The following ZNF385D variants were observed in gnomAD, a reference collection of about 807,000 sequenced individuals.
ZNF385D encodes the protein zinc finger protein 385D.
A neutral mutation model predicts 35.8 loss-of-function variants in ZNF385D; 15 were observed. The ratio of observed to expected loss-of-function variants is 0.42; its 90% CI spans 0.28 to 0.64. The LOEUF is 0.64. ZNF385D is among the 30% of genes least tolerant of loss of function. The pLI is 0.23. For synonymous variants in ZNF385D, 212 were observed against 186.8 expected (o/e 1.13, Z -1.10); for missense variants, 474 against 494.6 (o/e 0.96, Z 0.39).
chr3:21,847,297 G>C (rs1696072440), intron 3 of ZNF385D, among the ~76,000 whole-genome samples: 1 of 152,034 alleles, frequency 6.6e-6, no homozygotes. Flanking sequence ...ATTCAAAACA[G>C]TCGTTGCTGG....
In ZNF385D at chr3:21,779,035, G is replaced by C. The variant is rs78091166; in HGVS notation, c.326-114007C>G. Among the ~76,000 whole-genome samples the C allele has an allele frequency of 2.4e-4, 37 of 152,096 alleles. No individual in the cohort carries two copies. In the East Asian group the frequency reaches 6.8e-3, roughly 28 times the overall value. ...TATTCTTCCAAGAAACTCTCAGAAA[G>C]TGGTTATCTGGTGGCTGACATAAAG... On this transcript the variant is annotated intron_variant, in intron 3 of 5. Coordinates refer to the ZNF385D transcript ENST00000494108.
intron 3 of ZNF385D, among the ~76,000 whole-genome samples, chr3:21,962,538 T>C (rs1559795247): frequency 6.6e-6 from 1 of 152,236 alleles, no homozygotes. Context: ...AAAAGCTTTG[T>C]AGAGAGAATT....
chr3:22,165,569 A>G (rs1478607774), intron 3 of ZNF385D, among the ~76,000 whole-genome samples: 11 of 152,234 alleles, frequency 7.2e-5, no homozygotes, highest in Non-Finnish European at 8.8e-5. Flanking sequence ...GAAACTCTTT[A>G]TCCTACTAAA....
At chr3:22,013,963 T>C (rs981713063) in intron 3 of ZNF385D, among the ~76,000 whole-genome samples, 1 of 152,062 alleles carries the variant, frequency 6.6e-6, no homozygotes, top group South Asian at 2.1e-4. Context: ...AAGCATATAT[T>C]AACAAACTGA....
intron 3 of ZNF385D, among the ~76,000 whole-genome samples, chr3:22,126,421 A>T (rs1472986308): frequency 6.7e-6 from 1 of 149,408 alleles, no homozygotes; most frequent in Non-Finnish European, 1.5e-5. Context: ...ACCTCAAGGA[A>T]TTTTAAAATT....
intron 2 of ZNF385D, among the ~76,000 whole-genome samples, chr3:22,207,176 C>T (rs542184258): frequency 4.6e-5 from 7 of 151,866 alleles, no homozygotes; most frequent in Non-Finnish European, 1.0e-4. Context: ...AATTTCTAGA[C>T]ACATACAACC....
intron 2 of ZNF385D, among the ~76,000 whole-genome samples, chr3:21,630,649 G>A (rs2065254321): frequency 6.6e-6 from 1 of 151,954 alleles, no homozygotes; most frequent in Non-Finnish European, 1.5e-5. Flanking sequence ...AGAAACATGG[G>A]GCTAAACAAA....
intron 3 of ZNF385D, among the ~76,000 whole-genome samples, chr3:21,970,014 C>T (rs1298089748): frequency 6.6e-6 from 1 of 152,124 alleles, no homozygotes; most frequent in Non-Finnish European, 1.5e-5. Context: ...TGGGTGTCCC[C>T]TAAGGCAGAT....
At chr3:22,152,313 A>T (rs1368467232) in intron 3 of ZNF385D, among the ~76,000 whole-genome samples, 1 of 152,148 alleles carries the variant, frequency 6.6e-6, no homozygotes, top group Non-Finnish European at 1.5e-5. Context: ...GAGGGTGAGT[A>T]CTTGCTTGAC....
At chr3:21,915,180 A>G (rs181554873) in intron 3 of ZNF385D, among the ~76,000 whole-genome samples, 2 of 152,016 alleles carry the variant, frequency 1.3e-5, no homozygotes, top group Admixed American at 6.6e-5. Context: ...ACTTGACGGT[A>G]CTGAGGTTAT....
chr3:22,361,075 A>G (rs1220990498), intron 2 of ZNF385D, among the ~76,000 whole-genome samples: 2 of 152,068 alleles, frequency 1.3e-5, no homozygotes, highest in African/African-American at 4.8e-5. Flanking sequence ...AAACTAGTTG[A>G]TGTTGCATCA....
At chr3:21,604,271 G>C (rs1204030860) in intron 2 of ZNF385D, among the ~76,000 whole-genome samples, 2 of 152,190 alleles carry the variant, frequency 1.3e-5, no homozygotes, top group African/African-American at 4.8e-5. Flanking sequence ...TGTAGAAGCA[G>C]AGATGGAGGA....
At chr3:22,112,535 T>A (rs190049579) in intron 3 of ZNF385D, among the ~76,000 whole-genome samples, 202 of 152,262 alleles carry the variant, frequency 1.3e-3, no homozygotes, top group African/African-American at 4.6e-3. Flanking sequence ...TGTATGTAAA[T>A]CTATTAATAT....
chr3:21,667,630 G>A (rs184822952), intron 1 of ZNF385D, among the ~76,000 whole-genome samples: 18 of 152,234 alleles, frequency 1.2e-4, no homozygotes, highest in Admixed American at 4.6e-4. Context: ...TCTTGCTTCC[G>A]CAGAAAATAC....
At chr3:21,652,894 C>T (rs188861169) in intron 2 of ZNF385D, among the ~76,000 whole-genome samples, 5 of 152,204 alleles carry the variant, frequency 3.3e-5, no homozygotes, top group Non-Finnish European at 7.4e-5. Context: ...ATTAACGTGT[C>T]TTCATTTTTG....
intron 2 of ZNF385D, among the ~76,000 whole-genome samples, chr3:22,366,334 G>A (rs1013989442): frequency 6.6e-6 from 1 of 151,968 alleles, no homozygotes; most frequent in African/African-American, 2.4e-5. Context: ...ATGAGGACAG[G>A]GTCTCACTTT....
At chr3:21,733,727 T>C (rs1158691794) in intron 1 of ZNF385D, among the ~76,000 whole-genome samples, 1 of 152,176 alleles carries the variant, frequency 6.6e-6, no homozygotes, top group Non-Finnish European at 1.5e-5. Context: ...TAAATTTTTA[T>C]GTTTGAATCT....
chr3:22,297,710 G>A (rs9877061), intron 2 of ZNF385D, among the ~76,000 whole-genome samples: 9,310 of 151,934 alleles, frequency 0.061, 727 homozygotes, highest in African/African-American at 0.18. Flanking sequence ...TACACGTGGC[G>A]AGGATTCATA....
At chr3:22,180,093 G>A (rs1695129166) in intron 2 of ZNF385D, among the ~76,000 whole-genome samples, 1 of 152,130 alleles carries the variant, frequency 6.6e-6, no homozygotes, top group Non-Finnish European at 1.5e-5. Flanking sequence ...AATAAAAAAT[G>A]ATAAAGGGGA....
Sources: allele counts gnomAD v4.1 joint callset (sites outside exome capture counted in the v4.1 genomes callset), GRCh38; gene constraint gnomAD v4.1.1; transcripts MANE v1.5; gene names NCBI Gene and HGNC (gene_info 2026-07-23, HGNC 2026-07-21).